Variants in MTUS1 observed in about 807,000 individuals in gnomAD.
MTUS1 encodes the protein microtubule-associated tumor suppressor 1.
In MTUS1, 109 loss-of-function variants were observed where a neutral mutation model predicts 120.8. The ratio of observed to expected loss-of-function variants is 0.90; its 90% CI spans 0.77 to 1.06. The LOEUF (loss-of-function observed/expected upper bound fraction) is 1.06, where lower values mean the gene tolerates loss of function less well. Ranked by LOEUF, MTUS1 falls within the 50% of genes least tolerant of loss-of-function variation. The pLI is 0.00. For missense variants in MTUS1, 2,210 were observed against 1,486.3 expected (o/e 1.49, Z -8.01); for synonymous variants, 737 against 550.5 (o/e 1.34, Z -4.74).
chr8:17,684,064 G>C (rs532766505), intron 7 of MTUS1, among the ~76,000 whole-genome samples: 3 of 152,176 alleles, frequency 2.0e-5, no homozygotes, highest in Non-Finnish European at 2.9e-5. Flanking sequence ...ATACACCGGC[G>C]TAAGAGGCAA....
At chr8:17,763,887 A>C (rs1278045816) in intron 1 of MTUS1, among the ~76,000 whole-genome samples, 1 of 152,184 alleles carries the variant, frequency 6.6e-6, no homozygotes, top group Non-Finnish European at 1.5e-5. Flanking sequence ...ATAATCCTTC[A>C]TGTTCTTATG....
Position 17,764,567 on chromosome 8 carries a change from G to A in MTUS1, c.-154-8606C>T, listed in dbSNP as rs574489651. ...TGCTTCTTTTAAGACGTCTTCACAC[G>A]TTAATCTAGTCCAAGGGCTGGCAAG... On this transcript the variant is annotated intron_variant, in intron 1 of 14. Transcript: ENST00000693296. 8.0e-4 allele frequency among the ~76,000 whole-genome samples: 122 copies of A among 152,194 alleles called. 1 individual carries two copies. Among genetic ancestry groups the A allele is most frequent in the African/African-American group, 2.8e-3 (117 of 41,524 alleles).
At chr8:17,681,068 G>C (rs560855093) in intron 7 of MTUS1, among the ~76,000 whole-genome samples, 1 of 152,068 alleles carries the variant, frequency 6.6e-6, no homozygotes, top group East Asian at 1.9e-4. Flanking sequence ...CGAGTAGCTG[G>C]GACTACAGGC....
At chr8:17,769,537 C>T (rs986751513) in intron 1 of MTUS1, among the ~76,000 whole-genome samples, 4 of 150,832 alleles carry the variant, frequency 2.7e-5, no homozygotes, top group African/African-American at 4.9e-5. Flanking sequence ...TTAGTAGAGA[C>T]GGGATTTCAC....
At chr8:17,730,630 A>G (rs531294758) in intron 3 of MTUS1, among the ~76,000 whole-genome samples, 1 of 152,334 alleles carries the variant, frequency 6.6e-6, no homozygotes, top group African/African-American at 2.4e-5. Flanking sequence ...GGTGGTACAG[A>G]TATACCACGG....
chr8:17,783,562 T>C (rs1198713253), intron 1 of MTUS1, among the ~76,000 whole-genome samples: 1 of 152,168 alleles, frequency 6.6e-6, no homozygotes, highest in Admixed American at 6.5e-5. Flanking sequence ...CGCATGCTGT[T>C]GTGCTATGAG....
chr8:17,654,985 C>A, intron 9 of MTUS1: 1 of 267,926 alleles, frequency 3.7e-6, no homozygotes, highest in Non-Finnish European at 7.2e-6. Context: ...GCTCAACTCT[C>A]CTCTGTCTCC....
At chr8:17,778,325 C>T (rs1188189743) in intron 1 of MTUS1, among the ~76,000 whole-genome samples, 1 of 152,082 alleles carries the variant, frequency 6.6e-6, no homozygotes, top group Non-Finnish European at 1.5e-5. Flanking sequence ...AAAGGCAAAT[C>T]TAAGGGAACA....
intron 1 of MTUS1, among the ~76,000 whole-genome samples, chr8:17,782,034 C>T (rs1470668716): frequency 6.6e-6 from 1 of 152,244 alleles, no homozygotes; most frequent in Non-Finnish European, 1.5e-5. Flanking sequence ...AGACCCAAGG[C>T]TGGGCTCCCA....
intron 6 of MTUS1, chr8:17,691,500 T>C (rs1230479236): frequency 6.6e-6 from 1 of 152,254 alleles, no homozygotes; most frequent in Non-Finnish European, 1.5e-5. Context: ...TAGCAAATGC[T>C]TGTCTATGTG....
intron 13 of MTUS1, among the ~76,000 whole-genome samples, chr8:17,648,177 G>A (rs1410014061): frequency 6.6e-6 from 1 of 152,134 alleles, no homozygotes; most frequent in Non-Finnish European, 1.5e-5. Flanking sequence ...TGGGAAAGCT[G>A]TCTTTCTTAG....
intron 1 of MTUS1, among the ~76,000 whole-genome samples, chr8:17,796,713 C>T (rs1194384440): frequency 1.3e-5 from 2 of 152,102 alleles, no homozygotes; most frequent in Non-Finnish European, 2.9e-5. Context: ...GCCCCATATC[C>T]AAGAGTAAAT....
At chr8:17,784,028 C>A (rs1199441064) in intron 1 of MTUS1, among the ~76,000 whole-genome samples, 1 of 152,142 alleles carries the variant, frequency 6.6e-6, no homozygotes, top group Non-Finnish European at 1.5e-5. Flanking sequence ...ATTCAACAGC[C>A]CCCAAACGTT....
At chr8:17,789,204 G>A (rs1313013961) in intron 1 of MTUS1, among the ~76,000 whole-genome samples, 7 of 152,010 alleles carry the variant, frequency 4.6e-5, no homozygotes, top group Admixed American at 4.6e-4. Flanking sequence ...GGCTACTTTT[G>A]TAATTTTAGT....
intron 1 of MTUS1, among the ~76,000 whole-genome samples, chr8:17,760,058 T>G (rs1036331415): frequency 1.8e-5 from 2 of 110,602 alleles, no homozygotes; most frequent in South Asian, 2.7e-4. Flanking sequence ...TTTCTTTTCT[T>G]TTTTTTTTTT....
Position 17,754,875 on chromosome 8 carries a change from A to G in MTUS1, c.933T>C (p.Phe311=), listed in dbSNP as rs1682743030. 6.2e-7 allele frequency: 1 copy of G among 1,614,124 alleles called. No individual in the cohort carries two copies. The highest frequency in any genetic ancestry group is 8.5e-7 in the Non-Finnish European group (1 of 1,180,056). The change falls in exon 2 of 15, where the codon TTT becomes TTC. Residue 311 remains phenylalanine, a synonymous_variant. Transcript: ENST00000693296. ...VPNDSALQEF[F]CLSHDESNSE... is the part of the protein sequence containing the mutation. ...TATTGGATTCATCATGGGATAAACA[A>G]AAGAACTCTTGTAATGCAGAATCAT...
At chr8:17,647,936 T>C (rs1164944339) in intron 13 of MTUS1, among the ~76,000 whole-genome samples, 3 of 152,186 alleles carry the variant, frequency 2.0e-5, no homozygotes, top group Admixed American at 6.5e-5. Flanking sequence ...TGGAACCTGA[T>C]TGTTCTTAAG....
Position 17,755,763 on chromosome 8 carries a change from T to G in MTUS1, c.45A>C (p.Gln15His), listed in dbSNP as rs2048565599. Residue 15 changes from glutamine (Q) to histidine (H), a missense_variant, in exon 2 of 15, where the codon CAA (glutamine) becomes CAC (histidine). Physicochemically the swap from Gln to His is conservative, Grantham distance 24. Transcript: ENST00000693296. ...NSDDKIEDELQTFFTSDKDGN... is the reference protein window; with the variant it reads ...NSDDKIEDELHTFFTSDKDGN... ...CATCTTTATCACTGGTAAAGAAGGT[T>G]TGCAATTCATCTTCTATTTTATCAT... is the stretch of plus-strand genomic sequence containing the variant. The G allele has an allele frequency of 3.7e-6, 6 of 1,613,738 alleles. No individual in the cohort carries two copies. Among genetic ancestry groups the G allele is most frequent in the African/African-American group, 2.7e-5 (2 of 74,902 alleles).
intron 3 of MTUS1, among the ~76,000 whole-genome samples, chr8:17,733,412 C>T (rs1173344411): frequency 2.0e-5 from 3 of 151,414 alleles, no homozygotes; most frequent in Non-Finnish European, 2.9e-5. Flanking sequence ...AACATATGTG[C>T]ATGAGAATAT....
Sources: gnomAD v4.1 joint callset for allele counts (sites outside exome capture counted in the v4.1 genomes callset) on GRCh38, gnomAD v4.1.1 for gene constraint, MANE v1.5 for transcripts, NCBI Gene and HGNC (gene_info 2026-07-23, HGNC 2026-07-21) for gene names.